Variants in ADAMTS16 observed in about 807,000 individuals in gnomAD.
ADAMTS16 encodes ADAM metallopeptidase with thrombospondin type 1 motif 16.
ADAMTS16 carries 94 observed loss-of-function variants against 145.8 expected under a neutral mutation model. That is an observed-to-expected ratio of 0.64 (90% CI 0.55 to 0.77). The LOEUF is 0.77. Ranked by LOEUF, ADAMTS16 falls within the 30% of genes least tolerant of loss-of-function variation. The pLI, the probability that ADAMTS16 is intolerant of heterozygous loss-of-function variation, is 0.00. For missense variants in ADAMTS16, 1,585 were observed against 1,591.5 expected, an observed-to-expected ratio of 1.00 and a Z score of 0.07; for synonymous variants, 659 against 604.3, an observed-to-expected ratio of 1.09 and a Z score of -1.33.
chr5:5,260,109 T>C (rs1737955888), intron 17 of ADAMTS16, among the ~76,000 whole-genome samples: 1 of 152,266 alleles, frequency 6.6e-6, no homozygotes, highest in Non-Finnish European at 1.5e-5. Context: ...AGGTCCATCT[T>C]CAATGGACGC....
chr5:5,307,182 CTG>C (rs1175718539), intron 21 of ADAMTS16, among the ~76,000 whole-genome samples: 3 of 152,118 alleles, frequency 2.0e-5, no homozygotes, highest in African/African-American at 7.2e-5. Context: ...GTCTTTGTTC[CTG>C]TGTTTCTCCT....
intron 3 of ADAMTS16, chr5:5,176,072 G>C (rs78299922): frequency 0.049 from 7,414 of 152,332 alleles, 394 homozygotes; most frequent in African/African-American, 0.13. Context: ...GAGGAGGTTT[G>C]GTAGAAGCTT....
At chr5:5,257,386 A>G (rs186205207) in intron 17 of ADAMTS16, among the ~76,000 whole-genome samples, 73 of 152,258 alleles carry the variant, frequency 4.8e-4, no homozygotes, top group African/African-American at 1.7e-3. Context: ...TAACACATGC[A>G]CTCTGCCCCC....
chr5:5,195,719 C>G (rs77498554), intron 8 of ADAMTS16, among the ~76,000 whole-genome samples: 124 of 152,308 alleles, frequency 8.1e-4, no homozygotes, highest in Middle Eastern at 3.4e-3. Flanking sequence ...CAGTCTGTCT[C>G]TTGCATTTCC....
chr5:5,168,580 A>G (rs1311287291), intron 3 of ADAMTS16, among the ~76,000 whole-genome samples: 1 of 85,460 alleles, frequency 1.2e-5, no homozygotes, highest in Non-Finnish European at 2.4e-5. Flanking sequence ...ATTATTATAT[A>G]TATTATATTA....
chr5:5,198,201 G>T (rs1735859535), intron 8 of ADAMTS16, among the ~76,000 whole-genome samples: 1 of 152,072 alleles, frequency 6.6e-6, no homozygotes, highest in Admixed American at 6.6e-5. Context: ...GCCAGCGGAG[G>T]GTAGTTTGGT....
chr5:5,157,014 G>T (rs1404221732), intron 3 of ADAMTS16, among the ~76,000 whole-genome samples: 1 of 151,976 alleles, frequency 6.6e-6, no homozygotes, highest in Admixed American at 6.6e-5. Context: ...TTCCAGGCAT[G>T]GATCATTTTT....
chr5:5,155,913 G>C (rs556193722), intron 3 of ADAMTS16, among the ~76,000 whole-genome samples: 1 of 152,266 alleles, frequency 6.6e-6, no homozygotes, highest in African/African-American at 2.4e-5. Context: ...CACTGGGATG[G>C]ACAGGAGGTC....
chr5:5,213,990 C>A (rs1736348314), intron 10 of ADAMTS16, among the ~76,000 whole-genome samples: 1 of 152,254 alleles, frequency 6.6e-6, no homozygotes, highest in African/African-American at 2.4e-5. Context: ...GGCCTCTACT[C>A]TGACCTCTGC....
At chr5:5,180,989 A>G (rs1735324832) in intron 3 of ADAMTS16, among the ~76,000 whole-genome samples, 1 of 152,240 alleles carries the variant, frequency 6.6e-6, no homozygotes, top group South Asian at 2.1e-4. Flanking sequence ...TAGTGGTTAT[A>G]TAACCTCCAA....
chr5:5,304,166 C>T (rs765150921), intron 20 of ADAMTS16, among the ~76,000 whole-genome samples: 1 of 152,172 alleles, frequency 6.6e-6, no homozygotes, highest in South Asian at 2.1e-4. Flanking sequence ...ACATGCGTTG[C>T]TTGGGAAGAA....
intron 17 of ADAMTS16, among the ~76,000 whole-genome samples, chr5:5,261,237 C>G (rs1310401280): frequency 1.3e-5 from 2 of 152,138 alleles, no homozygotes; most frequent in African/African-American, 2.4e-5. Context: ...ACCTTCCAGG[C>G]TCGAGTGATC....
At position 5,318,289 on chromosome 5, in the gene ADAMTS16, C is replaced by T. The variant is rs149219536; in HGVS notation, c.3559+8C>T. 3.4e-3 allele frequency: 4,842 copies of T among 1,429,622 alleles called. 17 individuals are homozygous for T. The highest frequency in any genetic ancestry group is 4.2e-3 in the Non-Finnish European group (4,581 of 1,078,464). The allele number at this position is 1,429,622 out of a possible 1,614,324, so 88.6% of individuals were successfully genotyped here. A position where few individuals can be genotyped will look rare whatever the true frequency, so the allele number is the denominator to read the frequency against. ...CCATTGCAGAGAAGAAAGGTGAGTA[C>T]ATGGGGCCCCTCAGCATGACCTGGG... On this transcript the variant is annotated splice_region_variant and intron_variant, in intron 22 of 22. Coordinates refer to ENST00000274181, the MANE Select transcript of ADAMTS16 (RefSeq NM_139056.4).
intron 12 of ADAMTS16, among the ~76,000 whole-genome samples, chr5:5,233,750 C>T (rs554782468): frequency 1.1e-4 from 16 of 152,208 alleles, no homozygotes; most frequent in African/African-American, 3.4e-4. Context: ...CATTGATGGG[C>T]GTTTAGGTTG....
intron 3 of ADAMTS16, among the ~76,000 whole-genome samples, chr5:5,165,984 G>A (rs114843394): frequency 0.02 from 3,060 of 152,112 alleles, 105 homozygotes; most frequent in African/African-American, 0.069. Context: ...TTAGCCTTTC[G>A]GTCATTTTCA....
intron 18 of ADAMTS16, among the ~76,000 whole-genome samples, chr5:5,272,766 G>C (rs1296349016): frequency 6.6e-6 from 1 of 152,184 alleles, no homozygotes; most frequent in Non-Finnish European, 1.5e-5. Flanking sequence ...TGTCAACATG[G>C]CTTTCTGGAA....
At chr5:5,257,253 A>G (rs1244507375) in intron 17 of ADAMTS16, among the ~76,000 whole-genome samples, 2 of 152,356 alleles carry the variant, frequency 1.3e-5, no homozygotes, top group South Asian at 4.1e-4. Context: ...GGGGATAAGT[A>G]TTAGTTAATC....
rs547839343 is a variant in ADAMTS16 at position 5,269,542 on chromosome 5, C to T, written c.2789+6759C>T. On this transcript the variant is annotated intron_variant, in intron 18 of 22. Transcript: ENST00000274181. The surrounding 1 kb of genome is among the most constrained non-coding windows in gnomAD (Gnocchi z 4.3). ...GGACCTCAGACTAAAGAGAAGGAAG[C>T]AATGACCAGCCCTTCCTCTTGCCAG... Among the ~76,000 whole-genome samples, 1 of 152,260 alleles carries T rather than the reference C, an allele frequency of 6.6e-6. No individual in the cohort carries two copies. The highest frequency in any genetic ancestry group is 2.4e-5 in the African/African-American group (1 of 41,540).
intron 11 of ADAMTS16, among the ~76,000 whole-genome samples, chr5:5,225,340 G>T (rs988876252): frequency 6.6e-6 from 1 of 152,122 alleles, no homozygotes; most frequent in African/African-American, 2.4e-5. Context: ...AGTGGCTCAC[G>T]ACTGTAATCT....
Sources: allele counts gnomAD v4.1 joint callset (sites outside exome capture counted in the v4.1 genomes callset), GRCh38; gene constraint gnomAD v4.1.1; non-coding constraint Gnocchi (gnomAD v3.1); transcripts MANE v1.5; gene names NCBI Gene and HGNC (gene_info 2026-07-23, HGNC 2026-07-21).